The following EEA1 variants were observed in gnomAD, a reference collection of about 807,000 sequenced individuals.
EEA1 encodes the protein early endosome antigen 1.
In EEA1, 111 loss-of-function variants were observed where a neutral mutation model predicts 209.2. The ratio of observed to expected loss-of-function variants is 0.53; its 90% CI spans 0.45 to 0.62. The LOEUF (loss-of-function observed/expected upper bound fraction) is 0.62, where lower values mean the gene tolerates loss of function less well. EEA1 is among the 20% of genes least tolerant of loss of function. EEA1 has a pLI of 0.00. For missense variants in EEA1, 1,343 were observed against 1,530.8 expected (o/e 0.88, Z 2.05); for synonymous variants, 536 against 540.6 (o/e 0.99, Z 0.12).
intron 6 of EEA1, 144 bp from the exon 7 acceptor site, chr12:92,853,169 T>G: frequency 1.9e-6 from 1 of 515,902 alleles, no homozygotes; most frequent in Non-Finnish European, 3.4e-6. Context: ...TTCAAGAAAT[T>G]AAGTATATCT....
chr12:92,777,882 A>G (rs1873728262), intron 26 of EEA1, 59 bp downstream of exon 26: 2 of 1,509,778 alleles, frequency 1.3e-6, no homozygotes, highest in East Asian at 2.3e-5. Context: ...ACTATGGAAT[A>G]TGACAATCTT....
intron 14 of EEA1, 111 bp from the exon 15 acceptor site, chr12:92,816,511 C>A: frequency 1.1e-6 from 1 of 930,886 alleles, no homozygotes; most frequent in Non-Finnish European, 1.6e-6. Context: ...TAGTTTATCT[C>A]AAAATTTTTC....
intron 9 of EEA1, among the ~76,000 whole-genome samples, chr12:92,847,153 A>C (rs779975005): frequency 2.6e-5 from 4 of 152,048 alleles, no homozygotes; most frequent in Non-Finnish European, 4.4e-5. Flanking sequence ...ACAGGGTTTC[A>C]CTGTGTTGGT....
intron 11 of EEA1, among the ~76,000 whole-genome samples, chr12:92,829,797 C>CAAAAAA (rs1565825355): frequency 1.5e-5 from 1 of 67,766 alleles, no homozygotes; most frequent in Non-Finnish European, 2.7e-5. Context: ...AAAAAAAAAA[C>CAAAAAA]AAAAAACAAG....
chr12:92,863,158 T>C (rs992027162), intron 3 of EEA1, among the ~76,000 whole-genome samples: 1 of 152,238 alleles, frequency 6.6e-6, no homozygotes, highest in African/African-American at 2.4e-5. Flanking sequence ...GAAGGAGAAC[T>C]GGCACAGCCA....
chr12:92,929,078 C>T lies in EEA1; in HGVS notation c.-12G>A, dbSNP rs752739681. On this transcript the variant is annotated 5_prime_UTR_variant, in exon 1 of 29. Coordinates refer to ENST00000322349, the MANE Select transcript of EEA1 (RefSeq NM_003566.4). The stretch of plus-strand genomic sequence containing the variant: ...ATCCTCCTTAACATGGTTTAACCAC[C>T]ACCCGGCGCCGCCGCGGTGACTCTC... 1 of 1,589,450 alleles carries T rather than the reference C, an allele frequency of 6.3e-7. No homozygotes were observed. The highest frequency in any genetic ancestry group is 1.8e-5 in the Admixed American group (1 of 57,080).
chr12:92,893,698 C>T (rs1205568708), intron 1 of EEA1, among the ~76,000 whole-genome samples: 1 of 151,958 alleles, frequency 6.6e-6, no homozygotes, highest in Non-Finnish European at 1.5e-5. Context: ...ATAATGATTT[C>T]TGTAGCAAGA....
At chr12:92,915,418 G>A (rs762571934) in intron 1 of EEA1, among the ~76,000 whole-genome samples, 2 of 152,168 alleles carry the variant, frequency 1.3e-5, no homozygotes, top group African/African-American at 4.8e-5. Flanking sequence ...GCAGTGAGCC[G>A]TGATCATGCT....
At chr12:92,892,702 G>A (rs751926582) in intron 1 of EEA1, among the ~76,000 whole-genome samples, 5 of 152,144 alleles carry the variant, frequency 3.3e-5, no homozygotes, top group Non-Finnish European at 7.3e-5. Flanking sequence ...AGACTCCTGA[G>A]TAGCTGGGAC....
intron 1 of EEA1, among the ~76,000 whole-genome samples, chr12:92,926,955 GGGAGGACCCACA>G (rs1277075845): frequency 1.3e-5 from 2 of 152,120 alleles, no homozygotes; most frequent in Non-Finnish European, 2.9e-5. Flanking sequence ...GAGTTCTAAA[GGGAGGACCCACA>G]GCTTAATCAA....
intron 2 of EEA1, among the ~76,000 whole-genome samples, chr12:92,871,966 C>T (rs957777807): frequency 5.3e-5 from 8 of 152,098 alleles, no homozygotes; most frequent in African/African-American, 1.4e-4. Flanking sequence ...CTGCCATCTC[C>T]GCCTCCGGGG....
At chr12:92,838,434 G>C (rs1877021972) in intron 10 of EEA1, among the ~76,000 whole-genome samples, 1 of 152,082 alleles carries the variant, frequency 6.6e-6, no homozygotes, top group African/African-American at 2.4e-5. Context: ...TGGGTTCAAA[G>C]AAATTAAAAA....
At position 92,778,155 on chromosome 12, in the gene EEA1, C is replaced by T. The variant is rs770534947; in HGVS notation, c.3679G>A (p.Val1227Ile). The T allele has an allele frequency of 3.7e-6, 6 of 1,611,242 alleles. No homozygotes were observed. Among genetic ancestry groups the T allele is most frequent in the Non-Finnish European group, 2.5e-6 (3 of 1,178,944 alleles). ...TTTTCTTCATGCTTCTTCATTCCTA[C>T]TTCCTTTTCTTTTATTTCGGAATGC... ...KLHSEIKEKE[V>I]GMKKHEENEA... The change falls in exon 26 of 29, where the codon GTA becomes ATA. Residue 1227 changes from valine (V) to isoleucine (I), a missense_variant. By Grantham distance (29) the Val-to-Ile change is conservative. Coordinates refer to ENST00000322349, the MANE Select transcript of EEA1 (RefSeq NM_003566.4).
At chr12:92,778,214 AC>A (rs1873747007) in intron 25 of EEA1, 35 bp from the exon 26 acceptor site, 2 of 1,529,234 alleles carry the variant, frequency 1.3e-6, no homozygotes, top group Non-Finnish European at 9.0e-7. Flanking sequence ...GAAATCTATT[AC>A]AAAAGTAGTG....
chr12:92,809,793 T>G (rs567712556), intron 17 of EEA1, among the ~76,000 whole-genome samples: 4 of 152,152 alleles, frequency 2.6e-5, no homozygotes, highest in African/African-American at 9.6e-5. Context: ...AACTCAAGTA[T>G]GAAAAAATAA....
intron 21 of EEA1, among the ~76,000 whole-genome samples, chr12:92,793,094 A>AG (rs1874487340): frequency 6.6e-6 from 1 of 152,214 alleles, no homozygotes; most frequent in Non-Finnish European, 1.5e-5. Context: ...TTCATGCTAA[A>AG]AACTCTCAAC....
rs1385708778 is a variant in EEA1, at chr12:92,774,907, T to C, written c.*1104A>G. On this transcript the variant is annotated 3_prime_UTR_variant, in exon 29 of 29. Transcript: ENST00000322349. Reference sequence around the variant, plus strand: ...AAGAAATAGAAAGTAAAATATTTAATGTCTTCTTATCATTTTATATTTTGT... The same window carrying C: ...AAGAAATAGAAAGTAAAATATTTAACGTCTTCTTATCATTTTATATTTTGT... The C allele has an allele frequency of 6.6e-6, 1 of 151,816 alleles. No homozygotes were observed. The highest frequency in any genetic ancestry group is 2.4e-5 in the African/African-American group (1 of 41,432). 9.4% of individuals were successfully genotyped at this position (151,816 alleles called of 1,614,324 possible).
intron 9 of EEA1, 52 bp downstream of exon 9, chr12:92,851,059 T>C (rs1877606795): frequency 6.4e-7 from 1 of 1,567,342 alleles, no homozygotes; most frequent in Non-Finnish European, 8.7e-7. Flanking sequence ...CTCAATAGTA[T>C]ACACTACACA....
At chr12:92,906,851 C>T (rs1463258218) in intron 1 of EEA1, among the ~76,000 whole-genome samples, 2 of 151,986 alleles carry the variant, frequency 1.3e-5, no homozygotes, top group African/African-American at 4.8e-5. Context: ...TAACTTTCAA[C>T]ACTGATTTTG....
Sources: allele counts gnomAD v4.1 joint callset (sites outside exome capture counted in the v4.1 genomes callset), GRCh38; gene constraint gnomAD v4.1.1; transcripts MANE v1.5; gene names NCBI Gene and HGNC (gene_info 2026-07-23, HGNC 2026-07-21).